CILK1: variants seen among roughly 807,000 people sequenced by gnomAD.
CILK1 encodes serine/threonine-protein kinase ICK.
CILK1 carries 47 observed loss-of-function variants against 79.2 expected under a neutral mutation model. The observed-to-expected ratio is 0.59, with a 90% CI of 0.47 to 0.76. The LOEUF (loss-of-function observed/expected upper bound fraction) is 0.76. Among genes scored for constraint, CILK1 ranks in the 30% least tolerant of loss-of-function variants. The pLI is 0.00. For synonymous variants in CILK1, 266 were observed against 275.9 expected (o/e 0.96, Z 0.36); for missense variants, 660 against 769.5 (o/e 0.86, Z 1.68).
intron 3 of CILK1, among the ~76,000 whole-genome samples, chr6:53,034,113 T>C (rs1766152954): frequency 6.6e-6 from 1 of 152,238 alleles, no homozygotes; most frequent in South Asian, 2.1e-4. Flanking sequence ...GCCTGTTTGC[T>C]TAAAACGCAT....
At chr6:53,010,285 A>T (rs1764495144) in intron 11 of CILK1, among the ~76,000 whole-genome samples, 1 of 152,128 alleles carries the variant, frequency 6.6e-6, no homozygotes, top group South Asian at 2.1e-4. Flanking sequence ...CAATATTTAG[A>T]AGCCACATTC....
At chr6:53,057,091 T>C (rs1488897443) in intron 1 of CILK1, among the ~76,000 whole-genome samples, 5 of 152,228 alleles carry the variant, frequency 3.3e-5, no homozygotes. Flanking sequence ...GCAAAACCAT[T>C]AATAACTATC....
intron 1 of CILK1, among the ~76,000 whole-genome samples, chr6:53,045,459 T>C (rs1042307919): frequency 1.3e-5 from 2 of 152,232 alleles, no homozygotes; most frequent in African/African-American, 4.8e-5. Context: ...GCACCCATAC[T>C]ATTCTGTTTT....
intron 1 of CILK1, among the ~76,000 whole-genome samples, chr6:53,048,985 A>G (rs1022670046): frequency 1.6e-4 from 25 of 152,230 alleles, no homozygotes; most frequent in Admixed American, 1.6e-3. Flanking sequence ...ATGGCTGTGT[A>G]AAGTGTGATA....
At chr6:53,010,754 C>A (rs1283870645) in intron 11 of CILK1, among the ~76,000 whole-genome samples, 5 of 152,286 alleles carry the variant, frequency 3.3e-5, no homozygotes, top group Non-Finnish European at 7.3e-5. Context: ...TTCAGAGAGG[C>A]CTTACCTGAC....
intron 1 of CILK1, among the ~76,000 whole-genome samples, chr6:53,053,938 C>T (rs1318220041): frequency 2.6e-5 from 4 of 152,030 alleles, no homozygotes; most frequent in Non-Finnish European, 5.9e-5. Context: ...TGGTTTCTTC[C>T]TCTAAAGCTG....
At chr6:53,008,978 A>T (rs1218353954) in intron 12 of CILK1, among the ~76,000 whole-genome samples, 1 of 152,052 alleles carries the variant, frequency 6.6e-6, no homozygotes, top group Non-Finnish European at 1.5e-5. Flanking sequence ...GTTTAACAAA[A>T]AAAGTGGGGA....
At chr6:53,019,101 T>G (rs2127419670) in intron 6 of CILK1, 126 bp downstream of exon 6, 1 of 859,206 alleles carries the variant, frequency 1.2e-6, no homozygotes, top group Non-Finnish European at 1.8e-6. Flanking sequence ...TCTATAAATA[T>G]ATGTTTCAGA....
At chr6:53,006,621 C>T (rs1238772904) in intron 12 of CILK1, among the ~76,000 whole-genome samples, 184 bp from the exon 13 acceptor site, 2 of 152,134 alleles carry the variant, frequency 1.3e-5, no homozygotes, top group East Asian at 1.9e-4. Flanking sequence ...AGAAAGACTG[C>T]GGGGGCCAAA....
Position 53,019,363 on chromosome 6 carries a change from T to C in CILK1, c.359-4A>G, listed in dbSNP as rs1484442145. 10 of 1,613,892 alleles carry C rather than the reference T, an allele frequency of 6.2e-6. No individual in the cohort carries two copies. The highest frequency in any genetic ancestry group is 5.5e-5 in the South Asian group (5 of 91,084). ...TTTAAGTCTCGATGAAAGAAGCCTA[T>C]AGAGACAGTAGAGGAGAAGAAATCC... is the stretch of plus-strand genomic sequence containing the variant. On this transcript the variant is annotated splice_region_variant and splice_polypyrimidine_tract_variant and intron_variant, in intron 5 of 13. Transcript: ENST00000676107.
intron 7 of CILK1, 55 bp downstream of exon 7, chr6:53,018,275 G>A (rs1562012266): frequency 1.9e-6 from 3 of 1,539,486 alleles, no homozygotes; most frequent in Non-Finnish European, 2.7e-6. Context: ...GCTGAGCGGA[G>A]GAAGCATGGG....
intron 5 of CILK1, among the ~76,000 whole-genome samples, chr6:53,020,625 C>G (rs1419656303): frequency 6.6e-6 from 1 of 152,148 alleles, no homozygotes; most frequent in Non-Finnish European, 1.5e-5. Flanking sequence ...ATTCCAAAAT[C>G]TGAAAAAATC....
At chr6:53,023,100 A>G (rs1765351352) in intron 5 of CILK1, among the ~76,000 whole-genome samples, 1 of 151,792 alleles carries the variant, frequency 6.6e-6, no homozygotes, top group African/African-American at 2.4e-5. Flanking sequence ...CACCCTGCTA[A>G]TTTTTTGTAT....
chr6:53,047,501 T>TC lies in CILK1; in HGVS notation c.-172-6094_-172-6093insG, dbSNP rs1342604456. ...TTTTTTTTTTAAGAGATGAGGTCTCTTTTTTTTTTTTTTTTCCCAGGTTGG... is the reference window on the plus strand; with the variant it reads ...TTTTTTTTTTAAGAGATGAGGTCTCTCTTTTTTTTTTTTTTTCCCAGGTTGG... On this transcript the variant is annotated intron_variant, in intron 1 of 13. Coordinates refer to ENST00000676107, the MANE Select transcript of CILK1 (RefSeq NM_014920.5). Among the ~76,000 whole-genome samples the TC allele has an allele frequency of 2.5e-3, 227 of 91,086 alleles. 1 individual carries two copies. Among genetic ancestry groups the TC allele is most frequent in the Non-Finnish European group, 3.7e-3 (181 of 49,094 alleles). The allele number at this position is 91,086 out of a possible 152,430, so 59.8% of individuals were successfully genotyped here. A position where few individuals can be genotyped will look rare whatever the true frequency, so the allele number is the denominator to read the frequency against.
chr6:53,041,248 T>C lies in CILK1; in HGVS notation c.-12A>G. Reference sequence around the variant, plus strand: ...GTGTATCTATTCATGGTGTGCCTGCTCAGGCCGGACACTCATCTCACGGCC... The same window carrying C: ...GTGTATCTATTCATGGTGTGCCTGCCCAGGCCGGACACTCATCTCACGGCC... On this transcript the variant is annotated 5_prime_UTR_variant, in exon 2 of 14. Coordinates refer to ENST00000676107, the MANE Select transcript of CILK1 (RefSeq NM_014920.5). 3 of 1,598,004 alleles carry C rather than the reference T, an allele frequency of 1.9e-6. No individual in the cohort carries two copies. The South Asian group carries it at 3.3e-5, about 18-fold the overall frequency.
intron 7 of CILK1, among the ~76,000 whole-genome samples, chr6:53,018,108 G>A (rs779737280): frequency 6.6e-6 from 1 of 152,160 alleles, no homozygotes; most frequent in Non-Finnish European, 1.5e-5. Flanking sequence ...ATGATACAGA[G>A]AGGAAGGCAG....
chr6:53,029,292 A>G (rs1293353627), intron 5 of CILK1, among the ~76,000 whole-genome samples: 1 of 152,152 alleles, frequency 6.6e-6, no homozygotes, highest in Non-Finnish European at 1.5e-5. Flanking sequence ...GAAGTTTTTA[A>G]TGTTTTGCAA....
intron 13 of CILK1, among the ~76,000 whole-genome samples, 172 bp from the exon 14 acceptor site, chr6:53,005,475 C>A (rs1764165479): frequency 6.6e-6 from 1 of 152,176 alleles, no homozygotes. Context: ...TTAAAGTTGT[C>A]AGGCCAAAAA....
At chr6:53,028,720 T>C (rs1337377495) in intron 5 of CILK1, among the ~76,000 whole-genome samples, 1 of 152,180 alleles carries the variant, frequency 6.6e-6, no homozygotes, top group Non-Finnish European at 1.5e-5. Context: ...TGGTACCTTG[T>C]GGTCTGAGTG....
Sources: gnomAD v4.1 joint callset for allele counts (sites outside exome capture counted in the v4.1 genomes callset) on GRCh38, gnomAD v4.1.1 for gene constraint, MANE v1.5 for transcripts, NCBI Gene and HGNC (gene_info 2026-07-23, HGNC 2026-07-21) for gene names.